Variants in SULT1B1 observed in about 807,000 individuals in gnomAD.
SULT1B1 encodes sulfotransferase 1B1.
A neutral mutation model predicts 34.6 loss-of-function variants in SULT1B1; 28 were observed. That is an observed-to-expected ratio of 0.81 (90% CI 0.60 to 1.11). SULT1B1 has a LOEUF of 1.11. Ranked by LOEUF, SULT1B1 falls within the 50% of genes least tolerant of loss-of-function variation. The pLI is 0.00. For missense variants in SULT1B1, 374 were observed against 352.2 expected (o/e 1.06, Z -0.50); for synonymous variants, 147 against 110.2 (o/e 1.33, Z -2.09).
At chr4:69,752,986 G>A (rs1056408546) in intron 3 of SULT1B1, among the ~76,000 whole-genome samples, 2 of 152,094 alleles carry the variant, frequency 1.3e-5, no homozygotes, top group Admixed American at 1.3e-4. Context: ...GCATGTTGAT[G>A]TTTTTCACAG....
intron 4 of SULT1B1, among the ~76,000 whole-genome samples, chr4:69,738,156 C>T (rs555339891): frequency 1.1e-4 from 17 of 152,278 alleles, no homozygotes; most frequent in African/African-American, 3.9e-4. Context: ...GAATAATGGC[C>T]TCCAGCTGCA....
intron 7 of SULT1B1, among the ~76,000 whole-genome samples, chr4:69,730,062 A>G (rs771941347): frequency 1.5e-4 from 23 of 152,050 alleles, no homozygotes; most frequent in Non-Finnish European, 2.6e-4. Flanking sequence ...CCTTTTGGTG[A>G]ATTATTTTTA....
intron 4 of SULT1B1, 57 bp from the exon 5 acceptor site, chr4:69,734,321 G>GA: frequency 1.3e-6 from 2 of 1,564,980 alleles, no homozygotes; most frequent in East Asian, 2.3e-5. Context: ...TTTTGTTTAG[G>GA]AAAAAATTAA....
rs1460346763 is a variant in SULT1B1, at chr4:69,749,807, A to G, written c.289T>C (p.Leu97=). 5.6e-6 allele frequency: 9 copies of G among 1,612,696 alleles called. No homozygotes were observed. Among genetic ancestry groups the G allele is most frequent in the South Asian group, 3.3e-5 (3 of 91,052 alleles). The part of the protein sequence containing the change: ...PGLRTSGIEQ[L]EKNPSPRIVK... ...ATCCGGGGTGATGGATTCTTCTCCA[A>G]TTGTTCTATACCTGAGAAATTTAGT... Residue 97 remains leucine, a synonymous_variant, in exon 4 of 8, where the codon TTG becomes CTG. Transcript: ENST00000310613.
At chr4:69,750,380 A>G (rs1718934319) in intron 3 of SULT1B1, among the ~76,000 whole-genome samples, 1 of 152,140 alleles carries the variant, frequency 6.6e-6, no homozygotes, top group Non-Finnish European at 1.5e-5. Context: ...TGTAATCTTT[A>G]GATATTAGCT....
intron 1 of SULT1B1, among the ~76,000 whole-genome samples, chr4:69,756,176 G>C (rs762994283): frequency 6.6e-6 from 1 of 151,844 alleles, no homozygotes; most frequent in Admixed American, 6.6e-5. Context: ...TACTAAGTAC[G>C]GTTATAATGA....
At chr4:69,759,125 G>A (rs1299395600) in intron 1 of SULT1B1, among the ~76,000 whole-genome samples, 1 of 152,200 alleles carries the variant, frequency 6.6e-6, no homozygotes, top group Admixed American at 6.5e-5. Flanking sequence ...TACTGATTGT[G>A]CTTCATGTAT....
At chr4:69,743,258 T>C (rs1718620504) in intron 4 of SULT1B1, among the ~76,000 whole-genome samples, 2 of 152,158 alleles carry the variant, frequency 1.3e-5, no homozygotes, top group Non-Finnish European at 1.5e-5. Flanking sequence ...AGGAGCTTTA[T>C]TGAGCATGGT....
Position 69,721,507 on chromosome 4 carries a change from T to C in SULT1B1, c.*5581A>G, listed in dbSNP as rs1578039478. 6.6e-6 allele frequency: 1 copy of C among 152,088 alleles called. No homozygotes were observed. Among genetic ancestry groups the C allele is most frequent in the Non-Finnish European group, 1.5e-5 (1 of 67,974 alleles). 9.4% of individuals were successfully genotyped at this position (152,088 alleles called of 1,614,324 possible). On this transcript the variant is annotated 3_prime_UTR_variant, in exon 8 of 8. Transcript: ENST00000310613. ...TGTATATGAAAGGAATTACAAAATA[T>C]GGAGAAGGGTTGTATGTTGATTAAT... is the stretch of plus-strand genomic sequence containing the variant.
At position 69,746,375 on chromosome 4, in the gene SULT1B1, A is replaced by G. The variant is rs367587138; in HGVS notation, c.375+3346T>C. ...ACAGGTTTGGTGTCTATATAATCCC[A>G]TATTTCTTGGAGGTTTTGTTCATTT... On this transcript the variant is annotated intron_variant, in intron 4 of 7. Transcript: ENST00000310613. 5.9e-5 allele frequency among the ~76,000 whole-genome samples: 9 copies of G among 152,210 alleles called. No individual in the cohort carries two copies. In the East Asian group the frequency reaches 1.7e-3, roughly 29 times the overall value.
At chr4:69,734,099 T>C (rs1718195174) in intron 5 of SULT1B1, 39 bp downstream of exon 5, 1 of 1,465,018 alleles carries the variant, frequency 6.8e-7, no homozygotes, top group Non-Finnish European at 9.1e-7. Context: ...ATTATTAAAA[T>C]AAAAAATACT....
At chr4:69,742,545 G>T (rs1560526030) in intron 4 of SULT1B1, among the ~76,000 whole-genome samples, 1 of 152,160 alleles carries the variant, frequency 6.6e-6, no homozygotes, top group African/African-American at 2.4e-5. Context: ...TCATTTTCAG[G>T]ACTGGCTACT....
At position 69,723,277 on chromosome 4, in the gene SULT1B1, G is replaced by A. The variant is rs1055068749; in HGVS notation, c.*3811C>T. On this transcript the variant is annotated 3_prime_UTR_variant, in exon 8 of 8. Transcript: ENST00000310613. ...CGCAAATAAACTAGAAAATCTAGAAGAAATGGATAAATTCCTCGACACATA... is the reference window on the plus strand; with the variant it reads ...CGCAAATAAACTAGAAAATCTAGAAAAAATGGATAAATTCCTCGACACATA... The A allele has an allele frequency of 6.6e-6, 1 of 152,110 alleles. No homozygotes were observed. The highest frequency in any genetic ancestry group is 1.5e-5 in the Non-Finnish European group (1 of 68,024). The allele number at this position is 152,110 out of a possible 1,614,324, so 9.4% of individuals were successfully genotyped here. A position where few individuals can be genotyped will look rare whatever the true frequency, so the allele number is the denominator to read the frequency against.
rs777427863 is a variant in SULT1B1, at chr4:69,755,209, G to A, written c.9C>T (p.Ser3=). ...GATCTTTTCGCAGAATATCTTTTGG[G>A]GAAAGCATTTTAATACCAGATTGTA... The part of the protein sequence containing the change: ML[S]PKDILRKDLK... Residue 3 remains serine, a synonymous_variant, in exon 2 of 8, where the codon TCC becomes TCT. Transcript: ENST00000310613. 3.7e-6 allele frequency: 6 copies of A among 1,613,068 alleles called. No individual in the cohort carries two copies. Among genetic ancestry groups the A allele is most frequent in the Middle Eastern group, 1.6e-4 (1 of 6,062 alleles).
intron 4 of SULT1B1, among the ~76,000 whole-genome samples, chr4:69,746,819 G>A (rs1718766445): frequency 1.3e-5 from 2 of 152,172 alleles, no homozygotes; most frequent in Admixed American, 1.3e-4. Context: ...CTCATCTGTG[G>A]CAGCTAATGT....
intron 5 of SULT1B1, 107 bp from the exon 6 acceptor site, chr4:69,733,614 A>T: frequency 1.3e-6 from 1 of 781,114 alleles, no homozygotes; most frequent in Non-Finnish European, 1.9e-6. Flanking sequence ...TAACCAAAGG[A>T]AGTAAGAATA....
At chr4:69,756,520 T>C (rs1719199316) in intron 1 of SULT1B1, among the ~76,000 whole-genome samples, 1 of 152,166 alleles carries the variant, frequency 6.6e-6, no homozygotes, top group South Asian at 2.1e-4. Flanking sequence ...GAAGTCTGAG[T>C]AGAACAAAAA....
Position 69,726,369 on chromosome 4 carries a change from G to C in SULT1B1, c.*719C>G, listed in dbSNP as rs1393513006. 1 of 151,800 alleles carries C rather than the reference G, an allele frequency of 6.6e-6. No individual in the cohort carries two copies. Among genetic ancestry groups the C allele is most frequent in the African/African-American group, 2.4e-5 (1 of 41,368 alleles). 9.4% of individuals were successfully genotyped at this position (151,800 alleles called of 1,614,324 possible). ...ATTTCTCTGAAGTTCAAACGGGTCTGTTGGGAAAAAGAGGACTCCCCATAA... is the reference window on the plus strand; with the variant it reads ...ATTTCTCTGAAGTTCAAACGGGTCTCTTGGGAAAAAGAGGACTCCCCATAA... On this transcript the variant is annotated 3_prime_UTR_variant, in exon 8 of 8. Coordinates refer to ENST00000310613, the MANE Select transcript of SULT1B1 (RefSeq NM_014465.4).
intron 4 of SULT1B1, among the ~76,000 whole-genome samples, chr4:69,747,814 A>T (rs938455031): frequency 6.6e-6 from 1 of 152,064 alleles, no homozygotes; most frequent in Non-Finnish European, 1.5e-5. Flanking sequence ...CTTCTCTAGG[A>T]GCTGTGCGGG....
Sources: allele counts gnomAD v4.1 joint callset (sites outside exome capture counted in the v4.1 genomes callset), GRCh38; gene constraint gnomAD v4.1.1; transcripts MANE v1.5; gene names NCBI Gene and HGNC (gene_info 2026-07-23, HGNC 2026-07-21).